The following POTEE variants were observed in gnomAD, a reference collection of about 807,000 sequenced individuals.
POTEE encodes the protein POTE ankyrin domain family member E, also known as ANKRD26-like family C member 1A.
POTEE carries 21 observed loss-of-function variants against 74.2 expected under a neutral mutation model. That is an observed-to-expected ratio of 0.28 (90% CI 0.20 to 0.41). The LOEUF is 0.41. POTEE is among the 10% of genes least tolerant of loss of function. The probability of loss-of-function intolerance (pLI) is 1.00; values close to 1 mark genes in which losing one functional copy is unlikely to be tolerated. For synonymous variants in POTEE, 211 were observed against 432.8 expected, an observed-to-expected ratio of 0.49 and a Z score of 6.36; for missense variants, 525 against 1,158.6, an observed-to-expected ratio of 0.45 and a Z score of 7.94.
At chr2:131,262,665 AT>A (rs1701745324) in intron 17 of POTEE, among the ~76,000 whole-genome samples, 1 of 151,502 alleles carries the variant, frequency 6.6e-6, no homozygotes, top group South Asian at 2.1e-4. Context: ...ATCTGTGTAT[AT>A]TTTTTGACCT....
chr2:131,230,739 A>G (rs1700927285), intron 8 of POTEE, 97 bp from the exon 9 acceptor site: 1 of 1,396,690 alleles, frequency 7.2e-7, no homozygotes, highest in Admixed American at 2.4e-5. Flanking sequence ...TGTTATTCTG[A>G]TATTGTTTGA....
At chr2:131,228,598 G>A (rs1194493615) in intron 8 of POTEE, among the ~76,000 whole-genome samples, 1 of 147,796 alleles carries the variant, frequency 6.8e-6, no homozygotes, top group East Asian at 1.9e-4. Context: ...GGACTTTTAA[G>A]ATCTTTATCC....
rs1553475177 is a variant in POTEE at position 131,220,972 on chromosome 2, AAG to A, written c.521+2051_521+2052del. Among the ~76,000 whole-genome samples the A allele has an allele frequency of 3.3e-5, 5 of 150,204 alleles. 1 individual carries two copies. The highest frequency in any genetic ancestry group is 6.6e-5 in the Admixed American group (1 of 15,090). On this transcript the variant is annotated intron_variant, in intron 4 of 17. Transcript: ENST00000683005. ...TGAGACTCCATCTCAAAAAAAAAAAAAGAAAAAAAAAAAGGAATGAAATACTG... is the reference window on the plus strand; with the variant it reads ...TGAGACTCCATCTCAAAAAAAAAAAAAAAAAAAAAAAGGAATGAAATACTG...
intron 12 of POTEE, among the ~76,000 whole-genome samples, chr2:131,243,867 CAA>C (rs1241493314): frequency 2.3e-4 from 2 of 8,584 alleles, no homozygotes; most frequent in Non-Finnish European, 4.5e-4. Flanking sequence ...GACTCCGTCT[CAA>C]AAAAAAAAAA....
chr2:131,211,520 C>CTCTGTGTGTGTGTGTGTG (rs1553474098), intron 2 of POTEE, among the ~76,000 whole-genome samples: 2 of 50,266 alleles, frequency 4.0e-5, no homozygotes, highest in Non-Finnish European at 8.2e-5. Context: ...TAGGGGGTGA[C>CTCTGTGTGTGTGTGTGTG]TGTGTGTGTG....
chr2:131,210,397 G>C (rs1374288735), intron 1 of POTEE, among the ~76,000 whole-genome samples: 1 of 149,954 alleles, frequency 6.7e-6, no homozygotes, highest in Non-Finnish European at 1.5e-5. Context: ...TGTGCTGTCC[G>C]GGGGCTACAC....
At chr2:131,262,714 T>A (rs1195168723) in intron 17 of POTEE, among the ~76,000 whole-genome samples, 2 of 152,234 alleles carry the variant, frequency 1.3e-5, no homozygotes, top group African/African-American at 4.8e-5. Flanking sequence ...GAGTTCAGTA[T>A]TATATGTAGA....
At chr2:131,237,279 G>C (rs1460023446) in intron 10 of POTEE, among the ~76,000 whole-genome samples, 1 of 151,628 alleles carries the variant, frequency 6.6e-6, no homozygotes, top group African/African-American at 2.4e-5. Flanking sequence ...TCATGGTTAA[G>C]GAGTAATCAT....
In POTEE at chr2:131,263,915, C is replaced by G. The variant is rs1304104965; in HGVS notation, c.2460C>G (p.Thr820=). Residue 820 remains threonine, a synonymous_variant, in exon 18 of 18, where the codon ACC becomes ACG. Transcript: ENST00000683005. ...LNPKANREKM[T]QIMFETFNTP... ...CCAAGGCCAACCGCGAGAAGATGAC[C>G]CAGATCATGTTTGAGACCTTCAACA... 6.2e-7 allele frequency: 1 copy of G among 1,614,180 alleles called. No individual in the cohort carries two copies. Among genetic ancestry groups the G allele is most frequent in the East Asian group, 2.2e-5 (1 of 44,874 alleles).
In POTEE at chr2:131,263,772, C is replaced by T. The variant is rs1701801681; in HGVS notation, c.2317C>T (p.His773Tyr). 6.2e-7 allele frequency: 1 copy of T among 1,613,122 alleles called. No individual in the cohort carries two copies. The change falls in exon 18 of 18, where the codon CAC becomes TAC. Residue 773 changes from histidine to tyrosine, a missense_variant. His to Tyr is a moderately conservative substitution (Grantham distance 83). Coordinates refer to ENST00000683005, the MANE Select transcript of POTEE (RefSeq NM_001083538.3). ...CCTGACCCTGAAGTACCCCATGGAA[C>T]ACGGCATCATCACCAACTGGGATGA... ...GILTLKYPMEHGIITNWDDME... is the reference protein window; with the variant it reads ...GILTLKYPMEYGIITNWDDME...
chr2:131,224,922 G>T (rs962792227), intron 6 of POTEE, among the ~76,000 whole-genome samples: 3 of 152,034 alleles, frequency 2.0e-5, no homozygotes, highest in Non-Finnish European at 2.9e-5. Context: ...GGATGGGAAG[G>T]GGGAAGATAA....
chr2:131,217,758 ACGCCGCACGCGCACGCCG>A, intron 3 of POTEE, among the ~76,000 whole-genome samples, 75 bp downstream of exon 3: 1 of 11,182 alleles, frequency 8.9e-5, no homozygotes, highest in Non-Finnish European at 7.6e-4. Context: ...CGCACGCCGC[ACGCCGCACGCGCACGCCG>A]CACGCGCACG....
chr2:131,222,232 G>C (rs1559172677), intron 4 of POTEE, among the ~76,000 whole-genome samples: 1 of 152,202 alleles, frequency 6.6e-6, no homozygotes, highest in Non-Finnish European at 1.5e-5. Context: ...AGCCATAAAA[G>C]AAGGAACGAG....
chr2:131,217,801 C>T (rs1265065767), intron 3 of POTEE, among the ~76,000 whole-genome samples, 118 bp downstream of exon 3: 1 of 150,490 alleles, frequency 6.6e-6, no homozygotes, highest in African/African-American at 2.5e-5. Flanking sequence ...CGCCCGGCAG[C>T]AGCTTGCTGG....
At chr2:131,212,019 C>T (rs1487552987) in intron 2 of POTEE, among the ~76,000 whole-genome samples, 1 of 151,788 alleles carries the variant, frequency 6.6e-6, no homozygotes, top group Non-Finnish European at 1.5e-5. Flanking sequence ...TCTTCATTTT[C>T]TTTTGCTGCT....
chr2:131,219,535 C>CCACCG (rs1700550006), intron 4 of POTEE, among the ~76,000 whole-genome samples: 1 of 152,044 alleles, frequency 6.6e-6, no homozygotes. Context: ...GAGATCGAGA[C>CCACCG]CATCCTGGCT....
chr2:131,263,459 G>C lies in POTEE; in HGVS notation c.2004G>C (p.Gln668His). 1.2e-6 allele frequency: 2 copies of C among 1,611,998 alleles called. No homozygotes were observed. The highest frequency in any genetic ancestry group is 2.2e-5 in the East Asian group (1 of 44,870). ...LRLELDTMKH[Q>H]SQLREKKYLE... The stretch of plus-strand genomic sequence containing the variant: ...TGGAGCTAGACACAATGAAACATCA[G>C]AGCCAGCTAAGAGAAAAGAAATATT... Residue 668 changes from glutamine to histidine, a missense_variant, in exon 18 of 18, where the codon CAG becomes CAC. Physicochemically the swap from Gln to His is conservative, Grantham distance 24 (BLOSUM62 0). Transcript: ENST00000683005.
intron 10 of POTEE, among the ~76,000 whole-genome samples, chr2:131,237,626 G>T (rs1456283966): frequency 3.3e-5 from 5 of 151,486 alleles, no homozygotes; most frequent in Admixed American, 6.6e-5. Flanking sequence ...ACTATCATAT[G>T]ACAGTATATA....
At chr2:131,235,585 A>G (rs1369141919) in intron 9 of POTEE, among the ~76,000 whole-genome samples, 1 of 151,944 alleles carries the variant, frequency 6.6e-6, no homozygotes. Flanking sequence ...CACAAGGTCA[A>G]AAGATCAGGA....
Sources: allele counts gnomAD v4.1 joint callset (sites outside exome capture counted in the v4.1 genomes callset), GRCh38; gene constraint gnomAD v4.1.1; transcripts MANE v1.5; gene names NCBI Gene and HGNC (gene_info 2026-07-23, HGNC 2026-07-21).